The following RBFOX3 variants were observed in gnomAD, a reference collection of about 807,000 sequenced individuals.
RBFOX3 encodes RNA binding fox-1 homolog 3.
In RBFOX3, 17 loss-of-function variants were observed where a neutral mutation model predicts 48.7. The observed-to-expected ratio is 0.35, with a 90% CI of 0.24 to 0.52. RBFOX3 has a LOEUF of 0.52. RBFOX3 is among the 20% of genes least tolerant of loss of function. The pLI is 0.94. For missense variants in RBFOX3, 382 were observed against 497.5 expected (o/e 0.77, Z 2.21); for synonymous variants, 212 against 209.5 (o/e 1.01, Z -0.10).
intron 2 of RBFOX3, among the ~76,000 whole-genome samples, chr17:79,310,401 C>A (rs766147399): frequency 1.3e-5 from 2 of 152,094 alleles, no homozygotes; most frequent in Non-Finnish European, 2.9e-5. Context: ...CAGGGCGAGA[C>A]CTCCTCTGTG....
At chr17:79,509,559 G>T (rs909681052) in intron 1 of RBFOX3, among the ~76,000 whole-genome samples, 3 of 152,142 alleles carry the variant, frequency 2.0e-5, no homozygotes, top group Non-Finnish European at 2.9e-5. Context: ...CTGGTTCTCC[G>T]GCTGGTCTAA....
intron 2 of RBFOX3, among the ~76,000 whole-genome samples, chr17:79,351,118 T>G (rs1204848479): frequency 1.3e-5 from 2 of 152,212 alleles, no homozygotes; most frequent in African/African-American, 4.8e-5. Context: ...CCAGGCTATG[T>G]AATATTCATG....
chr17:79,398,569 G>A (rs1284844768), intron 2 of RBFOX3, among the ~76,000 whole-genome samples: 2 of 152,178 alleles, frequency 1.3e-5, no homozygotes, highest in Non-Finnish European at 2.9e-5. Flanking sequence ...TGAGGGAGGG[G>A]CTTCTGGCAT....
At chr17:79,270,045 G>C (rs560052969) in intron 3 of RBFOX3, among the ~76,000 whole-genome samples, 21 of 151,936 alleles carry the variant, frequency 1.4e-4, no homozygotes, top group Non-Finnish European at 2.8e-4. Context: ...CCCCCTCTGC[G>C]AATCACTCCC....
chr17:79,304,892 C>T (rs938715504), intron 3 of RBFOX3, among the ~76,000 whole-genome samples: 1 of 152,206 alleles, frequency 6.6e-6, no homozygotes, highest in African/African-American at 2.4e-5. Context: ...GTCTTGCTTA[C>T]ACCTGCTCGT....
chr17:79,288,655 G>A (rs1600436130), intron 3 of RBFOX3, among the ~76,000 whole-genome samples: 1 of 152,056 alleles, frequency 6.6e-6, no homozygotes, highest in East Asian at 1.9e-4. Flanking sequence ...CCACACTCCA[G>A]CGAAATCCCA....
chr17:79,255,618 C>A (rs2064701936), intron 3 of RBFOX3, among the ~76,000 whole-genome samples: 1 of 152,102 alleles, frequency 6.6e-6, no homozygotes, highest in African/African-American at 2.4e-5. Flanking sequence ...GCGACCGCGT[C>A]TCCCAGGAAG....
At chr17:79,540,774 G>A (rs1190163070) in intron 1 of RBFOX3, among the ~76,000 whole-genome samples, 1 of 152,220 alleles carries the variant, frequency 6.6e-6, no homozygotes, top group Non-Finnish European at 1.5e-5. Context: ...AGTGGAGGTC[G>A]ATGAAATATT....
intron 4 of RBFOX3, among the ~76,000 whole-genome samples, chr17:79,218,506 T>G (rs1021858421): frequency 6.6e-6 from 1 of 152,116 alleles, no homozygotes; most frequent in Non-Finnish European, 1.5e-5. Context: ...CGAGCGTGGC[T>G]GAGGACAGGC....
Position 79,216,287 on chromosome 17 carries a change from G to C in RBFOX3, c.-34+19479C>G, listed in dbSNP as rs186311897. The stretch of plus-strand genomic sequence containing the variant: ...CTCTGAGAGCCACTGTGGTCTCTGC[G>C]GTGTGTGGCATTCTTGGGACACAGG... On this transcript the variant is annotated intron_variant, in intron 4 of 14. Transcript: ENST00000693108. 5.9e-5 allele frequency among the ~76,000 whole-genome samples: 9 copies of C among 152,338 alleles called. No homozygotes were observed. In the East Asian group the frequency reaches 7.7e-4, roughly 13 times the overall value.
chr17:79,097,895 C>T lies in RBFOX3; in HGVS notation c.569-150G>A, dbSNP rs561117846. On this transcript the variant is annotated intron_variant, in intron 9 of 14. Coordinates refer to ENST00000693108, the MANE Select transcript of RBFOX3 (RefSeq NM_001350451.2). ...GCCGGGCCCCCCTTTCCCACACTGC[C>T]CGGACAAGTGCTGAGTTCAAAACAC... The T allele has an allele frequency of 2.4e-5, 18 of 741,250 alleles. No individual in the cohort carries two copies. The South Asian group carries it at 3.0e-4, about 12-fold the overall frequency. The allele number at this position is 741,250 out of a possible 1,614,324, so 45.9% of individuals were successfully genotyped here.
At chr17:79,226,369 A>C (rs1210747930) in intron 4 of RBFOX3, among the ~76,000 whole-genome samples, 9 of 152,234 alleles carry the variant, frequency 5.9e-5, no homozygotes, top group Non-Finnish European at 1.3e-4. Flanking sequence ...CCTGGATAGG[A>C]AGTGGGCCAG....
chr17:79,627,886 A>C, the RBFOX3 span, among the ~76,000 whole-genome samples: 6 of 152,090 alleles, frequency 3.9e-5, no homozygotes, highest in Admixed American at 6.5e-5. Flanking sequence ...TACGTTCTCA[A>C]GATGCAGAAG....
In RBFOX3 at chr17:79,247,039, C is replaced by A. The variant is rs111255068; in HGVS notation, c.-73-11234G>T. On this transcript the variant is annotated intron_variant, in intron 3 of 14. Coordinates refer to ENST00000693108, the MANE Select transcript of RBFOX3 (RefSeq NM_001350451.2). The stretch of plus-strand genomic sequence containing the variant: ...TGGGAGATGGGCAAAATCTCATTTC[C>A]TGAGCAAATCCCCTAAGAAACCAAC... 4.5e-3 allele frequency among the ~76,000 whole-genome samples: 682 copies of A among 152,326 alleles called. 2 individuals are homozygous for A. Among genetic ancestry groups the A allele is most frequent in the Non-Finnish European group, 7.2e-3 (493 of 68,024 alleles).
chr17:79,532,206 A>T (rs78094680), intron 1 of RBFOX3, among the ~76,000 whole-genome samples: 3 of 149,870 alleles, frequency 2.0e-5, no homozygotes, highest in South Asian at 4.2e-4. Flanking sequence ...TGGAGGGGGG[A>T]GGGGAGGAGG....
chr17:79,536,365 C>T (rs782322325), intron 1 of RBFOX3, among the ~76,000 whole-genome samples: 14 of 152,260 alleles, frequency 9.2e-5, no homozygotes, highest in Non-Finnish European at 1.9e-4. Context: ...AGACGTGGCA[C>T]ACAGCCCACC....
At chr17:79,632,434 C>T in the RBFOX3 span, among the ~76,000 whole-genome samples, 9 of 152,054 alleles carry the variant, frequency 5.9e-5, no homozygotes, top group African/African-American at 1.9e-4. Context: ...GTTGGTGCCT[C>T]TAAAGTGATG....
intron 1 of RBFOX3, among the ~76,000 whole-genome samples, chr17:79,586,229 G>T (rs2093245645): frequency 6.6e-6 from 1 of 152,200 alleles, no homozygotes; most frequent in African/African-American, 2.4e-5. Context: ...AGCAGGCCTT[G>T]CTCACTTCCA....
chr17:79,092,477 G>A (rs983360648), intron 14 of RBFOX3: 2 of 985,874 alleles, frequency 2.0e-6, no homozygotes, highest in South Asian at 4.7e-5. Context: ...GGGGCCAGCC[G>A]TGCGTGTCGC....
Sources: gnomAD v4.1 joint callset for allele counts (sites outside exome capture counted in the v4.1 genomes callset) on GRCh38, gnomAD v4.1.1 for gene constraint, MANE v1.5 for transcripts, NCBI Gene and HGNC (gene_info 2026-07-23, HGNC 2026-07-21) for gene names.